POLQ: variants seen among roughly 807,000 people sequenced by gnomAD.
POLQ encodes DNA polymerase theta.
Under a neutral mutation model 259.2 loss-of-function variants are expected in POLQ, and 233 were observed. That is an observed-to-expected ratio of 0.90 (90% CI 0.81 to 1.00). POLQ has a LOEUF of 1.00. POLQ is among the 50% of genes least tolerant of loss of function. The pLI, the probability that POLQ is intolerant of heterozygous loss-of-function variation, is 0.00. For missense variants in POLQ, 2,871 were observed against 3,051.6 expected (o/e 0.94, Z 1.39); for synonymous variants, 1,025 against 1,048.8 (o/e 0.98, Z 0.44).
chr3:121,437,388 G>GT (rs2047552450), intron 27 of POLQ, among the ~76,000 whole-genome samples: 1 of 151,942 alleles, frequency 6.6e-6, no homozygotes, highest in South Asian at 2.1e-4. Flanking sequence ...ACCAGAATAG[G>GT]TATTTACCCA....
chr3:121,527,092 G>A (rs999785610), intron 7 of POLQ, among the ~76,000 whole-genome samples: 3 of 151,432 alleles, frequency 2.0e-5, no homozygotes, highest in African/African-American at 7.3e-5. Context: ...ATGGAGTCTC[G>A]CTCCATCGCC....
At chr3:121,457,200 G>A (rs1232178246) in intron 25 of POLQ, among the ~76,000 whole-genome samples, 1 of 152,170 alleles carries the variant, frequency 6.6e-6, no homozygotes, top group African/African-American at 2.4e-5. Context: ...CCTGAAACTG[G>A]ATCCCTTCCT....
In POLQ at chr3:121,445,377, A is replaced by C. The variant is rs550359969; in HGVS notation, c.7264+3938T>G. The stretch of plus-strand genomic sequence containing the variant: ...TCTTGGCAGGTTGTATGTGTCTAGA[A>C]ATTTACCCATTTCTTCTAGATTTTC... On this transcript the variant is annotated intron_variant, in intron 26 of 29. Coordinates refer to ENST00000264233, the MANE Select transcript of POLQ (RefSeq NM_199420.4). Among the ~76,000 whole-genome samples, 70 of 152,216 alleles carry C rather than the reference A, an allele frequency of 4.6e-4. 1 individual carries two copies. The highest frequency in any genetic ancestry group is 3.4e-3 in the Middle Eastern group (1 of 294).
Position 121,493,641 on chromosome 3 carries a change from A to G in POLQ, c.2359T>C (p.Phe787Leu). 6.2e-7 allele frequency: 1 copy of G among 1,614,120 alleles called. No homozygotes were observed. Among genetic ancestry groups the G allele is most frequent in the Admixed American group, 1.7e-5 (1 of 60,010 alleles). Residue 787 changes from phenylalanine (F) to leucine (L), a missense_variant, in exon 15 of 30, where the codon TTT (phenylalanine) becomes CTT (leucine). Physicochemically the swap from Phe to Leu is conservative, Grantham distance 22 (BLOSUM62 0). Coordinates refer to ENST00000264233, the MANE Select transcript of POLQ (RefSeq NM_199420.4). ...TCACACAGCTCCCTCTGGATGCCAA[A>G]CGTAAGACGCTTCTGAAATTGGGAA... ...LLSQFQKRLT[F>L]GIQRELCDLV...
intron 18 of POLQ, 61 bp downstream of exon 18, chr3:121,483,325 T>G: frequency 1.1e-6 from 1 of 917,344 alleles, no homozygotes; most frequent in East Asian, 2.8e-5. Flanking sequence ...TACCAAGTCA[T>G]TTAAGAATTA....
chr3:121,460,009 A>G, intron 25 of POLQ, 41 bp downstream of exon 25: 2 of 1,476,382 alleles, frequency 1.4e-6, no homozygotes, highest in Non-Finnish European at 1.9e-6. Flanking sequence ...TTGAGTCACT[A>G]AATTCTTCTC....
rs768553580 is a variant in POLQ, at chr3:121,545,961, G to A, written c.-84C>T. ...AGAACCCTGGCCTGGCAACAGCTGCGGACATCTTCCCGCCAGTCTTCAAAC... is the reference window on the plus strand; with the variant it reads ...AGAACCCTGGCCTGGCAACAGCTGCAGACATCTTCCCGCCAGTCTTCAAAC... On this transcript the variant is annotated 5_prime_UTR_variant, in exon 1 of 30. Transcript: ENST00000264233. The A allele has an allele frequency of 4.1e-6, 6 of 1,478,574 alleles. No homozygotes were observed. The highest frequency in any genetic ancestry group is 1.9e-5 in the Admixed American group (1 of 52,040). The allele number at this position is 1,478,574 out of a possible 1,614,324, so 91.6% of individuals were successfully genotyped here.
chr3:121,477,262 C>T (rs752949499), intron 19 of POLQ, among the ~76,000 whole-genome samples: 2 of 152,328 alleles, frequency 1.3e-5, no homozygotes, highest in Non-Finnish European at 2.9e-5. Flanking sequence ...CAGACAACCA[C>T]AGACTGCCTA....
At chr3:121,523,069 A>T (rs1276531986) in intron 7 of POLQ, among the ~76,000 whole-genome samples, 2 of 152,156 alleles carry the variant, frequency 1.3e-5, no homozygotes, top group Non-Finnish European at 2.9e-5. Flanking sequence ...AGGCTGGAGT[A>T]CAGTGGCACA....
chr3:121,533,376 A>G (rs1280800352), intron 5 of POLQ, among the ~76,000 whole-genome samples, 167 bp from the exon 6 acceptor site: 4 of 152,260 alleles, frequency 2.6e-5, no homozygotes, highest in African/African-American at 9.6e-5. Context: ...GAGTCACAGA[A>G]GATCTTCAAT....
In POLQ at chr3:121,519,887, T is replaced by C. The variant is rs962528515; in HGVS notation, c.1452A>G (p.Lys484=). Residue 484 remains lysine, a synonymous_variant, in exon 9 of 30, where the codon AAA becomes AAG. Transcript: ENST00000264233. The part of the protein sequence containing the change: ...YKQMVGRAGR[K]GVDTVGESIL... ...CTCACTTACCTACTGTGTCCACTCCTTTCCTGCCAGCACGGCCAACCATCT... is the reference window on the plus strand; with the variant it reads ...CTCACTTACCTACTGTGTCCACTCCCTTCCTGCCAGCACGGCCAACCATCT... 33 of 1,583,106 alleles carry C rather than the reference T, an allele frequency of 2.1e-5. No individual in the cohort carries two copies. The highest frequency in any genetic ancestry group is 2.9e-5 in the Non-Finnish European group (33 of 1,151,922).
intron 25 of POLQ, among the ~76,000 whole-genome samples, chr3:121,457,738 G>A (rs1349943747): frequency 2.0e-5 from 3 of 152,146 alleles, no homozygotes; most frequent in Non-Finnish European, 4.4e-5. Flanking sequence ...GGAAACAACA[G>A]GTGCTGGAGA....
intron 21 of POLQ, 102 bp downstream of exon 21, chr3:121,473,248 A>C: frequency 9.6e-7 from 1 of 1,038,550 alleles, no homozygotes; most frequent in Non-Finnish European, 1.4e-6. Flanking sequence ...GTAAATTCAA[A>C]TGGTAGGCTA....
At chr3:121,437,240 C>A (rs2047551220) in intron 27 of POLQ, among the ~76,000 whole-genome samples, 1 of 152,030 alleles carries the variant, frequency 6.6e-6, no homozygotes, top group African/African-American at 2.4e-5. Context: ...TCTCTCCACA[C>A]CTAAAATTAC....
intron 26 of POLQ, among the ~76,000 whole-genome samples, chr3:121,445,596 C>G (rs1576398857): frequency 6.6e-6 from 1 of 152,152 alleles, no homozygotes; most frequent in African/African-American, 2.4e-5. Context: ...GGTGCAGTGG[C>G]TCAAGCCTGT....
chr3:121,525,185 CA>C (rs2048364287), intron 7 of POLQ, among the ~76,000 whole-genome samples: 1 of 151,806 alleles, frequency 6.6e-6, no homozygotes, highest in African/African-American at 2.4e-5. Context: ...ACTAAAAATA[CA>C]AAAAATTAGC....
At chr3:121,531,519 G>A (rs1371060004) in intron 6 of POLQ, among the ~76,000 whole-genome samples, 1 of 152,140 alleles carries the variant, frequency 6.6e-6, no homozygotes, top group Admixed American at 6.5e-5. Flanking sequence ...GGACCTTATA[G>A]ACTACTAAGA....
In POLQ at chr3:121,511,885, A is replaced by C. The variant is rs749849722; in HGVS notation, c.1611+2T>G. 6.2e-7 allele frequency: 1 copy of C among 1,602,914 alleles called. No individual in the cohort carries two copies. The highest frequency in any genetic ancestry group is 1.1e-5 in the South Asian group (1 of 88,030). On this transcript the variant is annotated splice_donor_variant, in intron 10 of 29. Transcript: ENST00000264233. LOFTEE classifies it high-confidence loss of function. ...ATGGTAATTTAGTAAATTCTCTCTTACCTCCAGAATAGCTCGTATCATGCT... is the reference window on the plus strand; with the variant it reads ...ATGGTAATTTAGTAAATTCTCTCTTCCCTCCAGAATAGCTCGTATCATGCT...
At position 121,489,852 on chromosome 3, in the gene POLQ, G is replaced by T; in HGVS notation, c.3079C>A (p.Pro1027Thr). ...ATCTTTTCTGAATTGAAATTCAAAG[G>T]TGCCTTTTTTGTTTTCTGTGAAAAA... ...QTFSQKTKKAPLNFNSEKMSR... is the reference protein window; with the variant it reads ...QTFSQKTKKATLNFNSEKMSR... The change falls in exon 16 of 30, where the codon CCT becomes ACT. Residue 1027 changes from proline to threonine, a missense_variant. This residue lies in a region of POLQ where 2,080 missense variants were observed against 2,126.0 expected (regional missense o/e 0.98). Coordinates refer to ENST00000264233, the MANE Select transcript of POLQ (RefSeq NM_199420.4). 2 of 1,608,468 alleles carry T rather than the reference G, an allele frequency of 1.2e-6. No individual in the cohort carries two copies. Among genetic ancestry groups the T allele is most frequent in the East Asian group, 4.5e-5 (2 of 44,836 alleles).
Sources: gnomAD v4.1 joint callset for allele counts (sites outside exome capture counted in the v4.1 genomes callset) on GRCh38, gnomAD v4.1.1 for gene constraint, gnomAD v4.1.1 regional missense constraint, MANE v1.5 for transcripts, NCBI Gene and HGNC (gene_info 2026-07-23, HGNC 2026-07-21) for gene names.